Variants in MAPRE2 observed in about 807,000 individuals in gnomAD.
MAPRE2 encodes the protein microtubule-associated protein RP/EB family member 2.
MAPRE2 carries 13 observed loss-of-function variants against 43.2 expected under a neutral mutation model. The ratio of observed to expected loss-of-function variants is 0.30; its 90% CI spans 0.20 to 0.48. MAPRE2 has a LOEUF of 0.48. Among genes scored for constraint, MAPRE2 ranks in the 20% least tolerant of loss-of-function variants. The probability of loss-of-function intolerance (pLI) is 0.99; values close to 1 mark genes in which losing one functional copy is unlikely to be tolerated. For missense variants in MAPRE2, 161 were observed against 400.2 expected, an observed-to-expected ratio of 0.40 and a Z score of 5.10; for synonymous variants, 135 against 148.8, an observed-to-expected ratio of 0.91 and a Z score of 0.68.
At chr18:35,114,058 G>A (rs1406062840) in intron 4 of MAPRE2, among the ~76,000 whole-genome samples, 2 of 152,188 alleles carry the variant, frequency 1.3e-5, no homozygotes, top group African/African-American at 4.8e-5. Flanking sequence ...GAGGCACGGA[G>A]AGGTTTAGTA....
chr18:34,996,654 G>A (rs1231579958), intron 1 of MAPRE2, among the ~76,000 whole-genome samples: 1 of 152,168 alleles, frequency 6.6e-6, no homozygotes, highest in African/African-American at 2.4e-5. Context: ...ACCTCTTATA[G>A]GGTTATTGGG....
In MAPRE2 at chr18:34,978,024, G is replaced by A. The variant is rs113545917; in HGVS notation, c.-70+945G>A. On this transcript the variant is annotated intron_variant, in intron 1 of 7. Transcript: ENST00000413393. ...GCAGAGCCGTAACCTCGGAGAAGGG[G>A]CGCTGCAGCCATTTGATCAGGAGAA... 4.3e-3 allele frequency among the ~76,000 whole-genome samples: 659 copies of A among 152,298 alleles called. 9 individuals are homozygous for A. Among genetic ancestry groups the A allele is most frequent in the African/African-American group, 0.015 (623 of 41,578 alleles).
At chr18:35,006,200 G>C (rs969085827) in intron 2 of MAPRE2, among the ~76,000 whole-genome samples, 3 of 152,182 alleles carry the variant, frequency 2.0e-5, no homozygotes, top group Non-Finnish European at 4.4e-5. Context: ...AAGCCATTCA[G>C]AGAGGTCCCA....
At chr18:35,017,927 T>A (rs1603390554) in intron 2 of MAPRE2, among the ~76,000 whole-genome samples, 1 of 151,932 alleles carries the variant, frequency 6.6e-6, no homozygotes, top group East Asian at 1.9e-4. Flanking sequence ...TGCATCCAGT[T>A]TTTGCCCATT....
rs568715 is a variant in MAPRE2, at chr18:35,127,943, G to C, written c.750+856G>C. 9.3e-3 allele frequency among the ~76,000 whole-genome samples: 1,421 copies of C among 152,284 alleles called. 23 individuals carry two copies. The highest frequency in any genetic ancestry group is 0.031 in the African/African-American group (1,284 of 41,550). On this transcript the variant is annotated intron_variant, in intron 5 of 6. Transcript: ENST00000300249. ...AGCAACGGGTAGTGGAGGGCCCATCGAGGAGAGCCTTTTATCCTGGCTACC... is the reference window on the plus strand; with the variant it reads ...AGCAACGGGTAGTGGAGGGCCCATCCAGGAGAGCCTTTTATCCTGGCTACC...
chr18:34,985,317 T>A lies in MAPRE2; in HGVS notation c.-70+8238T>A, dbSNP rs1186208831. 5.8e-4 allele frequency among the ~76,000 whole-genome samples: 25 copies of A among 43,332 alleles called. 2 individuals carry two copies. Among genetic ancestry groups the A allele is most frequent in the African/African-American group, 7.0e-4 (7 of 9,978 alleles). 28.4% of individuals were successfully genotyped at this position (43,332 alleles called of 152,430 possible). ...ATATTATATATTGTATATATTATATTATATATATAATATAATATATAATAT... is the reference window on the plus strand; with the variant it reads ...ATATTATATATTGTATATATTATATAATATATATAATATAATATATAATAT... On this transcript the variant is annotated intron_variant, in intron 1 of 7. Transcript: ENST00000413393.
chr18:35,041,414 A>G lies in MAPRE2; in HGVS notation c.-126A>G. Reference sequence around the variant, plus strand: ...GGGCGGGGCGCGAGCGAGAGCTGGGAGAAGGCAGTGAGCGAGCAGGCGGCA... The same window carrying G: ...GGGCGGGGCGCGAGCGAGAGCTGGGGGAAGGCAGTGAGCGAGCAGGCGGCA... On this transcript the variant is annotated 5_prime_UTR_variant, in exon 1 of 7. Coordinates refer to ENST00000300249, the MANE Select transcript of MAPRE2 (RefSeq NM_014268.4). The G allele has an allele frequency of 2.6e-6, 4 of 1,553,360 alleles. No homozygotes were observed. Among genetic ancestry groups the G allele is most frequent in the Non-Finnish European group, 2.6e-6 (3 of 1,151,562 alleles).
chr18:34,997,011 G>A (rs2097026822), intron 1 of MAPRE2, among the ~76,000 whole-genome samples: 1 of 152,168 alleles, frequency 6.6e-6, no homozygotes, highest in African/African-American at 2.4e-5. Flanking sequence ...AGTGGAGTTA[G>A]TAATCCTCTT....
upstream of MAPRE2, among the ~76,000 whole-genome samples, chr18:35,039,974 C>T (rs374832367): frequency 4.6e-5 from 7 of 152,246 alleles, no homozygotes; most frequent in Admixed American, 1.3e-4. Flanking sequence ...CACTTTGGGG[C>T]GGGTGGACTG....
chr18:35,029,523 C>T (rs922331975), intron 2 of MAPRE2, among the ~76,000 whole-genome samples: 2 of 152,178 alleles, frequency 1.3e-5, no homozygotes, highest in African/African-American at 4.8e-5. Flanking sequence ...CTCCTGACTT[C>T]CTTTGTATGT....
At chr18:35,032,340 G>GA (rs35875051) in intron 2 of MAPRE2, among the ~76,000 whole-genome samples, 2 of 152,086 alleles carry the variant, frequency 1.3e-5, no homozygotes, top group East Asian at 1.9e-4. Context: ...TTTTTAACCT[G>GA]AAAAAAGGCA....
chr18:35,043,379 A>G (rs905965762), intron 1 of MAPRE2, among the ~76,000 whole-genome samples: 5 of 152,138 alleles, frequency 3.3e-5, no homozygotes, highest in Admixed American at 2.6e-4. Flanking sequence ...ATTTTACCCC[A>G]CGGGCCAAAG....
At chr18:34,998,127 C>A (rs1427321898) in intron 1 of MAPRE2, among the ~76,000 whole-genome samples, 1 of 151,958 alleles carries the variant, frequency 6.6e-6, no homozygotes, top group South Asian at 2.1e-4. Context: ...CTGATGTGGC[C>A]CCCAAACCTT....
intron 1 of MAPRE2, among the ~76,000 whole-genome samples, chr18:34,981,544 C>G (rs2097016212): frequency 6.6e-6 from 1 of 152,128 alleles, no homozygotes; most frequent in African/African-American, 2.4e-5. Context: ...TGAGAACAGA[C>G]GAGAACCACC....
chr18:35,058,564 T>C (rs516412), intron 1 of MAPRE2, among the ~76,000 whole-genome samples: 112,423 of 152,056 alleles, frequency 0.74, 42,753 homozygotes, highest in African/African-American at 0.93. Flanking sequence ...GGCTTGAACC[T>C]CAAATCTGTA....
intron 4 of MAPRE2, among the ~76,000 whole-genome samples, chr18:35,104,290 G>A (rs1372013179): frequency 6.6e-6 from 1 of 152,158 alleles, no homozygotes; most frequent in Admixed American, 6.6e-5. Context: ...AATTTAACAA[G>A]GGCTTGTGGA....
chr18:35,096,359 G>A (rs1468492353), intron 2 of MAPRE2, among the ~76,000 whole-genome samples: 1 of 152,196 alleles, frequency 6.6e-6, no homozygotes, highest in African/African-American at 2.4e-5. Flanking sequence ...TTTCTTTCTT[G>A]TAAAAGAAAA....
intron 2 of MAPRE2, among the ~76,000 whole-genome samples, chr18:35,081,254 T>C (rs1907616387): frequency 6.6e-6 from 1 of 152,234 alleles, no homozygotes; most frequent in South Asian, 2.1e-4. Flanking sequence ...TGTGGTCATA[T>C]GATTGAATCC....
At chr18:35,084,398 T>G (rs1304138695) in intron 2 of MAPRE2, among the ~76,000 whole-genome samples, 2 of 152,208 alleles carry the variant, frequency 1.3e-5, no homozygotes, top group African/African-American at 4.8e-5. Flanking sequence ...CCTATAAGAT[T>G]CTTAAAAAGG....
Sources: allele counts gnomAD v4.1 joint callset (sites outside exome capture counted in the v4.1 genomes callset), GRCh38; gene constraint gnomAD v4.1.1; transcripts MANE v1.5; gene names NCBI Gene and HGNC (gene_info 2026-07-23, HGNC 2026-07-21).